Variants in SORBS3 observed in about 807,000 individuals in gnomAD.
The protein encoded by SORBS3 is sorbin and SH3 domain containing 3.
SORBS3 carries 69 observed loss-of-function variants against 98.0 expected under a neutral mutation model. That is an observed-to-expected ratio of 0.70 (90% CI 0.58 to 0.86). The LOEUF (loss-of-function observed/expected upper bound fraction) is 0.86, where lower values mean the gene tolerates loss of function less well. SORBS3 is among the 40% of genes least tolerant of loss of function. The pLI is 0.00. For synonymous variants in SORBS3, 394 were observed against 355.4 expected, an observed-to-expected ratio of 1.11 and a Z score of -1.22; for missense variants, 954 against 908.5, an observed-to-expected ratio of 1.05 and a Z score of -0.64.
chr8:22,566,165 T>A, intron 12 of SORBS3, 180 bp from the exon 13 acceptor site: 1 of 858,114 alleles, frequency 1.2e-6, no homozygotes, highest in Non-Finnish European at 1.7e-6. Flanking sequence ...CTGCCGGGCC[T>A]CACCCTTCCC....
At chr8:22,553,802 C>G (rs573052651) in intron 1 of SORBS3, among the ~76,000 whole-genome samples, 1 of 152,380 alleles carries the variant, frequency 6.6e-6, no homozygotes, top group South Asian at 2.1e-4. Context: ...TCTGTCTCCA[C>G]CCACCCGGAG....
In SORBS3 at chr8:22,574,654, TTTCCTCTTTCAGG is replaced by T; in HGVS notation, c.1955-11_1956del. On this transcript the variant is annotated splice_acceptor_variant and splice_polypyrimidine_tract_variant and coding_sequence_variant and intron_variant, in exon 21 of 21. Coordinates refer to ENST00000240123, the MANE Select transcript of SORBS3 (RefSeq NM_005775.5). LOFTEE classifies it high-confidence loss of function. ...GGGAGTGGGGAAAGCTCTTCCTGCCTTTCCTCTTTCAGGTGTCTCCCGGAGGACCCAGAAATTC... is the reference window on the plus strand; with the variant it reads ...GGGAGTGGGGAAAGCTCTTCCTGCCTTGTCTCCCGGAGGACCCAGAAATTC... 6.2e-7 allele frequency: 1 copy of T among 1,612,734 alleles called. No individual in the cohort carries two copies. Among genetic ancestry groups the T allele is most frequent in the Non-Finnish European group, 8.5e-7 (1 of 1,179,342 alleles).
rs778153814 is a variant in SORBS3, at chr8:22,556,873, G to A, written c.379G>A (p.Val127Met). Residue 127 changes from valine to methionine, a missense_variant, in exon 4 of 21, where the codon GTG becomes ATG. By Grantham distance (21) the Val-to-Met change is conservative. Coordinates refer to ENST00000240123, the MANE Select transcript of SORBS3 (RefSeq NM_005775.5). Reference sequence around the variant, plus strand: ...GGTCAAGTACGAGGGAATCGGGCCCGTGGACGAGAGCGGCATGCCCATTGC... The same window carrying A: ...GGTCAAGTACGAGGGAATCGGGCCCATGGACGAGAGCGGCATGCCCATTGC... ...RWVKYEGIGP[V>M]DESGMPIAPR... The A allele has an allele frequency of 3.7e-6, 6 of 1,613,302 alleles. No individual in the cohort carries two copies. Among genetic ancestry groups the A allele is most frequent in the African/African-American group, 2.7e-5 (2 of 75,070 alleles).
Position 22,554,918 on chromosome 8 carries a change from C to G in SORBS3, c.158C>G (p.Pro53Arg), listed in dbSNP as rs545455487. Residue 53 changes from proline to arginine, a missense_variant, in exon 3 of 21, where the codon CCC becomes CGC. Physicochemically the swap from Pro to Arg is moderately radical, Grantham distance 103. Coordinates refer to ENST00000240123, the MANE Select transcript of SORBS3 (RefSeq NM_005775.5). The surrounding 1 kb of genome is among the most constrained non-coding windows in gnomAD (Gnocchi z 6.5). ...ACCCTTAATTTCCAGTTCCACGACC[C>G]CGCGCCCAGGACTGTGTGCAATGGG... ...SNTLNFQFHDPAPRTVCNGGY... is the reference protein window; with the variant it reads ...SNTLNFQFHDRAPRTVCNGGY... 1.9e-5 allele frequency: 31 copies of G among 1,613,756 alleles called. No homozygotes were observed. The South Asian group carries it at 3.1e-4, about 16-fold the overall frequency.
intron 12 of SORBS3, 177 bp downstream of exon 12, chr8:22,566,049 C>A (rs1840408547): frequency 3.5e-6 from 2 of 565,896 alleles, no homozygotes; most frequent in Non-Finnish European, 2.6e-6. Flanking sequence ...GCCGTTCCCG[C>A]GCCACCGAGG....
intron 6 of SORBS3, 58 bp downstream of exon 6, chr8:22,561,431 C>G (rs752570431): frequency 1.3e-6 from 2 of 1,590,814 alleles, no homozygotes; most frequent in Non-Finnish European, 1.7e-6. Context: ...CCGCCCCTCC[C>G]TGGGGCTGGG....
In SORBS3 at chr8:22,573,344, AC is replaced by A. The variant is rs541666294; in HGVS notation, c.1954+899del. ...AATAAAGTTTTGCAAACCTATGCAG[AC>A]AAGAAGAAAAAGTACCACTTTTGTA... On this transcript the variant is annotated intron_variant, in intron 20 of 20. Coordinates refer to ENST00000240123, the MANE Select transcript of SORBS3 (RefSeq NM_005775.5). 249 of 456,286 alleles carry A rather than the reference AC, an allele frequency of 5.5e-4. 1 individual carries two copies. The highest frequency in any genetic ancestry group is 4.4e-3 in the African/African-American group (222 of 50,210). The allele number at this position is 456,286 out of a possible 1,614,324, so 28.3% of individuals were successfully genotyped here.
Position 22,575,262 on chromosome 8 carries a change from C to G in SORBS3, c.*534C>G, listed in dbSNP as rs550356186. The G allele has an allele frequency of 3.4e-6, 1 of 297,950 alleles. No individual in the cohort carries two copies. Among genetic ancestry groups the G allele is most frequent in the South Asian group, 2.9e-5 (1 of 34,946 alleles). The allele number at this position is 297,950 out of a possible 1,614,324, so 18.5% of individuals were successfully genotyped here. ...AGGCGGGGGACAGACGCAGCACCTT[C>G]TTAGCGATCTAGGCCTGGCAAGAGC... On this transcript the variant is annotated 3_prime_UTR_variant, in exon 21 of 21. Transcript: ENST00000240123.
chr8:22,565,377 C>A, intron 11 of SORBS3, 23 bp downstream of exon 11: 1 of 1,519,100 alleles, frequency 6.6e-7, no homozygotes, highest in Non-Finnish European at 8.9e-7. Flanking sequence ...AGGGTTCACC[C>A]GCGGGGCACG....
chr8:22,572,567 G>A (rs534742955), intron 20 of SORBS3, 121 bp downstream of exon 20: 18 of 804,180 alleles, frequency 2.2e-5, no homozygotes, highest in Middle Eastern at 3.5e-4. Context: ...CTCAGCTTCC[G>A]GCCGGGCTAC....
chr8:22,571,306 C>A, intron 18 of SORBS3, 85 bp downstream of exon 18: 2 of 764,218 alleles, frequency 2.6e-6, no homozygotes, highest in Non-Finnish European at 4.2e-6. Flanking sequence ...ACTTGGGACT[C>A]CTTCCCAGAC....
chr8:22,564,386 T>G lies in SORBS3; in HGVS notation c.762+17T>G, dbSNP rs1840360484. The G allele has an allele frequency of 6.2e-7, 1 of 1,613,664 alleles. No individual in the cohort carries two copies. Among genetic ancestry groups the G allele is most frequent in the Non-Finnish European group, 8.5e-7 (1 of 1,179,618 alleles). On this transcript the variant is annotated intron_variant, in intron 9 of 20. Transcript: ENST00000240123. ...GGGCAGAGGGTGAGTGCTGGCTGGCTCTCGGGGTGTGCACGCACCCTCAGC... is the reference window on the plus strand; with the variant it reads ...GGGCAGAGGGTGAGTGCTGGCTGGCGCTCGGGGTGTGCACGCACCCTCAGC...
chr8:22,564,871 G>T, intron 10 of SORBS3: 3 of 1,288,154 alleles, frequency 2.3e-6, no homozygotes, highest in Non-Finnish European at 3.0e-6. Context: ...AAGCAGCGTG[G>T]GGGTGGGGGC....
upstream of SORBS3, among the ~76,000 whole-genome samples, chr8:22,548,805 C>G (rs1438244866): frequency 2.0e-5 from 3 of 152,156 alleles, no homozygotes; most frequent in Non-Finnish European, 2.9e-5. Context: ...AGAACTAAAA[C>G]TGGGTGCTCT....
chr8:22,566,035 G>A, intron 12 of SORBS3, 163 bp downstream of exon 12: 1 of 587,626 alleles, frequency 1.7e-6, no homozygotes, highest in Non-Finnish European at 2.5e-6. Context: ...ACTCTCTGCG[G>A]GGCGCCGTTC....
intron 11 of SORBS3, 38 bp from the exon 12 acceptor site, chr8:22,565,788 G>A (rs1159743201): frequency 1.5e-6 from 2 of 1,318,930 alleles, no homozygotes; most frequent in East Asian, 3.2e-5. Flanking sequence ...GCTGGGTCCC[G>A]GGGTCGCGGG....
At chr8:22,561,700 T>C in intron 6 of SORBS3, 165 bp from the exon 7 acceptor site, 3 of 654,194 alleles carry the variant, frequency 4.6e-6, no homozygotes. Context: ...CTGAGGGCAA[T>C]GCCCGCGTTC....
Position 22,561,368 on chromosome 8 carries a change from CCAGAGGTGAGG to C in SORBS3, c.513_517+6del. ...CTGGACTGGACCTTCGAGGAGCCAC[CCAGAGGTGAGG>C]GGATGCGGGCCCACCTGCCTGCCAT... On this transcript the variant is annotated splice_donor_variant and splice_donor_5th_base_variant and coding_sequence_variant and intron_variant, in exon 6 of 21. Coordinates refer to ENST00000240123, the MANE Select transcript of SORBS3 (RefSeq NM_005775.5). LOFTEE classifies it high-confidence loss of function. 2 of 1,612,214 alleles carry C rather than the reference CCAGAGGTGAGG, an allele frequency of 1.2e-6. No homozygotes were observed. Among genetic ancestry groups the C allele is most frequent in the Non-Finnish European group, 1.7e-6 (2 of 1,179,088 alleles).
intron 1 of SORBS3, chr8:22,545,195 G>T (rs1462028118): frequency 6.6e-6 from 1 of 152,474 alleles, no homozygotes; most frequent in African/African-American, 2.4e-5. Flanking sequence ...CCTGGAGGAC[G>T]GGTCCCAAAA....
Sources: gnomAD v4.1 joint callset for allele counts (sites outside exome capture counted in the v4.1 genomes callset) on GRCh38, gnomAD v4.1.1 for gene constraint, Gnocchi (gnomAD v3.1) non-coding constraint, MANE v1.5 for transcripts, NCBI Gene and HGNC (gene_info 2026-07-23, HGNC 2026-07-21) for gene names.